HABP4: variants seen among roughly 807,000 people sequenced by gnomAD.
HABP4 encodes hyaluronan binding protein 4.
In HABP4, 32 loss-of-function variants were observed where a neutral mutation model predicts 44.1. The ratio of observed to expected loss-of-function variants is 0.73; its 90% CI spans 0.55 to 0.97. The LOEUF is 0.97. HABP4 is among the 50% of genes least tolerant of loss of function. The pLI, the probability that HABP4 is intolerant of heterozygous loss-of-function variation, is 0.00. For synonymous variants in HABP4, 216 were observed against 218.0 expected (o/e 0.99, Z 0.08); for missense variants, 503 against 561.9 (o/e 0.90, Z 1.06).
rs147322140 is a variant in HABP4, at chr9:96,456,309, C to A, written c.350-2070C>A. Among the ~76,000 whole-genome samples, 722 of 152,196 alleles carry A rather than the reference C, an allele frequency of 4.7e-3. 7 individuals are homozygous for A. Among genetic ancestry groups the A allele is most frequent in the African/African-American group, 0.017 (699 of 41,532 alleles). On this transcript the variant is annotated intron_variant, in intron 1 of 7. Coordinates refer to ENST00000375249, the MANE Select transcript of HABP4 (RefSeq NM_014282.4). Reference sequence around the variant, plus strand: ...TTTATGTTAGTGATGTCATAAACATCATTTTTGCTTTAAAATGAGACCGGT... The same window carrying A: ...TTTATGTTAGTGATGTCATAAACATAATTTTTGCTTTAAAATGAGACCGGT...
chr9:96,465,979 A>C (rs1832593860), intron 4 of HABP4, among the ~76,000 whole-genome samples: 1 of 152,248 alleles, frequency 6.6e-6, no homozygotes, highest in South Asian at 2.1e-4. Context: ...AACTGCTTTT[A>C]AAATTCTATT....
At chr9:96,471,898 C>T (rs973879832) in intron 5 of HABP4, among the ~76,000 whole-genome samples, 5 of 152,124 alleles carry the variant, frequency 3.3e-5, no homozygotes, top group Non-Finnish European at 7.3e-5. Context: ...TCAAGCAATT[C>T]TCCTCCTCAG....
intron 1 of HABP4, among the ~76,000 whole-genome samples, chr9:96,457,395 A>C (rs1428687785): frequency 6.6e-6 from 1 of 152,100 alleles, no homozygotes; most frequent in African/African-American, 2.4e-5. Context: ...ACAGTGTCCA[A>C]GTGCTGGACT....
rs753293989 is a variant in HABP4 at position 96,450,638 on chromosome 9, G to C, written c.349+10G>C. ...GGCCTGCAGGCGCCGGGTACGCGGGGACAGCGGGGTTAGCGGACCACGGCT... is the reference window on the plus strand; with the variant it reads ...GGCCTGCAGGCGCCGGGTACGCGGGCACAGCGGGGTTAGCGGACCACGGCT... On this transcript the variant is annotated intron_variant, in intron 1 of 7. Coordinates refer to ENST00000375249, the MANE Select transcript of HABP4 (RefSeq NM_014282.4). The surrounding 1 kb of genome is among the most constrained non-coding windows in gnomAD (Gnocchi z 4.8). The C allele has an allele frequency of 7.7e-5, 97 of 1,264,536 alleles. No individual in the cohort carries two copies. The African/African-American group carries it at 1.4e-3, about 18-fold the overall frequency. 78.3% of individuals were successfully genotyped at this position (1,264,536 alleles called of 1,614,324 possible). A position where few individuals can be genotyped will look rare whatever the true frequency, so the allele number is the denominator to read the frequency against.
intron 2 of HABP4, among the ~76,000 whole-genome samples, chr9:96,461,503 C>A (rs1424410025): frequency 1.3e-5 from 2 of 151,646 alleles, no homozygotes; most frequent in Non-Finnish European, 2.9e-5. Context: ...GTAGTTTACT[C>A]CCAGAATATG....
intron 1 of HABP4, among the ~76,000 whole-genome samples, chr9:96,455,112 C>T (rs1360153753): frequency 3.3e-5 from 5 of 149,752 alleles, no homozygotes; most frequent in Non-Finnish European, 5.9e-5. Context: ...GAGACCCTGT[C>T]GAAAAAAAAG....
intron 4 of HABP4, among the ~76,000 whole-genome samples, chr9:96,469,139 A>AT (rs1368220336): frequency 6.6e-6 from 1 of 152,178 alleles, no homozygotes; most frequent in Admixed American, 6.5e-5. Flanking sequence ...GTAAAATAGA[A>AT]TTTTTTCTAT....
chr9:96,460,009 C>T (rs1199178697), intron 2 of HABP4, among the ~76,000 whole-genome samples: 2 of 152,130 alleles, frequency 1.3e-5, no homozygotes, highest in East Asian at 3.8e-4. Flanking sequence ...TTTTTGGAAG[C>T]ATTTGGGTAT....
intron 1 of HABP4, among the ~76,000 whole-genome samples, chr9:96,451,663 A>T (rs1832280478): frequency 6.6e-6 from 1 of 152,124 alleles, no homozygotes; most frequent in South Asian, 2.1e-4. Context: ...GGTAATGTTT[A>T]CCTTTATTTG....
intron 2 of HABP4, among the ~76,000 whole-genome samples, chr9:96,461,989 TTATTAAAAATTCAAAAATTAGTGG>T (rs1832507060): frequency 1.3e-5 from 2 of 151,472 alleles, no homozygotes; most frequent in Non-Finnish European, 2.9e-5. Flanking sequence ...AATCCCCGCC[TTATTAAAAATTCAAAAATTAGTGG>T]GGTGCGCCTG....
chr9:96,478,201 C>T (rs1377582046), intron 5 of HABP4, among the ~76,000 whole-genome samples: 5 of 151,720 alleles, frequency 3.3e-5, no homozygotes, highest in Middle Eastern at 3.4e-3. Context: ...GGTGCAATCT[C>T]GGCTCACTGC....
chr9:96,456,800 T>TAC (rs1832399715), intron 1 of HABP4, among the ~76,000 whole-genome samples: 1 of 115,538 alleles, frequency 8.7e-6, no homozygotes, highest in Non-Finnish European at 1.8e-5. Context: ...TATATATATA[T>TAC]ATATATATAT....
intron 2 of HABP4, among the ~76,000 whole-genome samples, chr9:96,460,507 C>G (rs573440723): frequency 6.6e-6 from 1 of 152,202 alleles, no homozygotes; most frequent in South Asian, 2.1e-4. Flanking sequence ...CTCTAAATTA[C>G]GGAGTCTACA....
rs774722794 is a variant in HABP4, at chr9:96,450,624, G to A, written c.345G>A (p.Ala115=). The A allele has an allele frequency of 7.9e-7, 1 of 1,263,624 alleles. No individual in the cohort carries two copies. Among genetic ancestry groups the A allele is most frequent in the Non-Finnish European group, 1.0e-6 (1 of 1,004,994 alleles). The allele number at this position is 1,263,624 out of a possible 1,614,324, so 78.3% of individuals were successfully genotyped here. A position where few individuals can be genotyped will look rare whatever the true frequency, so the allele number is the denominator to read the frequency against. The change falls in exon 1 of 8, where the codon GCG becomes GCA. Residue 115 remains alanine, a synonymous_variant. Transcript: ENST00000375249. This position sits in a 1 kb window ranked among gnomAD's most constrained non-coding sequence, Gnocchi z 4.8. ...ATAGCCCCGGGGGCGGCCTGCAGGCGCCGGGTACGCGGGGACAGCGGGGTT... is the reference window on the plus strand; with the variant it reads ...ATAGCCCCGGGGGCGGCCTGCAGGCACCGGGTACGCGGGGACAGCGGGGTT... The part of the protein sequence containing the change: ...RPDSPGGGLQ[A]PGQKRTPRRG...
intron 4 of HABP4, among the ~76,000 whole-genome samples, chr9:96,468,125 C>G (rs1832635108): frequency 6.6e-6 from 1 of 152,110 alleles, no homozygotes; most frequent in Admixed American, 6.5e-5. Flanking sequence ...CTCTGTTGCC[C>G]ATGCTGGAGT....
In HABP4 at chr9:96,450,627, G is replaced by A; in HGVS notation, c.348G>A (p.Pro116=). 3 of 1,262,554 alleles carry A rather than the reference G, an allele frequency of 2.4e-6. No individual in the cohort carries two copies. Among genetic ancestry groups the A allele is most frequent in the Middle Eastern group, 3.1e-4 (1 of 3,274 alleles). The allele number at this position is 1,262,554 out of a possible 1,614,324, so 78.2% of individuals were successfully genotyped here. ...GCCCCGGGGGCGGCCTGCAGGCGCC[G>A]GGTACGCGGGGACAGCGGGGTTAGC... ...PDSPGGGLQA[P]GQKRTPRRGE... The change falls in exon 1 of 8, where the codon CCG becomes CCA. Residue 116 remains proline, a splice_region_variant and synonymous_variant. Coordinates refer to ENST00000375249, the MANE Select transcript of HABP4 (RefSeq NM_014282.4). The surrounding 1 kb of genome is among the most constrained non-coding windows in gnomAD (Gnocchi z 4.8).
rs1309891541 is a variant in HABP4, at chr9:96,481,745, G to A, written c.828-2717G>A. Among the ~76,000 whole-genome samples, 4 of 152,022 alleles carry A rather than the reference G, an allele frequency of 2.6e-5. No homozygotes were observed. In the East Asian group the frequency reaches 7.7e-4, roughly 29 times the overall value. On this transcript the variant is annotated intron_variant, in intron 5 of 7. Transcript: ENST00000375249. The stretch of plus-strand genomic sequence containing the variant: ...TGGCCAACAGAGTGAAACCCAGCCT[G>A]TATCAAACAAATAAATGAGTAAACG...
chr9:96,479,006 T>C (rs1056131512), intron 5 of HABP4, among the ~76,000 whole-genome samples: 1 of 152,216 alleles, frequency 6.6e-6, no homozygotes, highest in Non-Finnish European at 1.5e-5. Context: ...CTGTATTCTT[T>C]AGTAAAGCTG....
intron 4 of HABP4, 49 bp from the exon 5 acceptor site, chr9:96,470,962 T>C (rs762096215): frequency 9.9e-7 from 1 of 1,006,424 alleles, no homozygotes; most frequent in South Asian, 1.3e-5. Context: ...TACAAAGGCA[T>C]TGGTATGAAT....
Sources: gnomAD v4.1 joint callset for allele counts (sites outside exome capture counted in the v4.1 genomes callset) on GRCh38, gnomAD v4.1.1 for gene constraint, Gnocchi (gnomAD v3.1) non-coding constraint, MANE v1.5 for transcripts, NCBI Gene and HGNC (gene_info 2026-07-23, HGNC 2026-07-21) for gene names.